The following DLGAP2 variants were observed in gnomAD, a reference collection of about 807,000 sequenced individuals.
DLGAP2 encodes the protein DLG associated protein 2.
DLGAP2 carries 26 observed loss-of-function variants against 100.3 expected under a neutral mutation model. That is an observed-to-expected ratio of 0.26 (90% CI 0.19 to 0.36). The LOEUF is 0.36. DLGAP2 is among the 10% of genes least tolerant of loss of function. The pLI is 1.00. For synonymous variants in DLGAP2, 886 were observed against 630.1 expected (o/e 1.41, Z -6.08); for missense variants, 1,858 against 1,453.2 (o/e 1.28, Z -4.53).
intron 3 of DLGAP2, among the ~76,000 whole-genome samples, chr8:1,334,204 G>T (rs189972625): frequency 5.3e-5 from 8 of 152,360 alleles, no homozygotes; most frequent in Admixed American, 5.2e-4. Context: ...AATGTTTCCT[G>T]TGATGAAAAT....
intron 3 of DLGAP2, among the ~76,000 whole-genome samples, chr8:1,392,335 G>GT (rs890586013): frequency 6.6e-6 from 1 of 152,102 alleles, no homozygotes; most frequent in African/African-American, 2.4e-5. Context: ...GAGGTGCAGG[G>GT]TTACCCGTTA....
At chr8:1,207,566 C>T (rs1380616882) in intron 2 of DLGAP2, among the ~76,000 whole-genome samples, 2 of 152,160 alleles carry the variant, frequency 1.3e-5, no homozygotes, top group African/African-American at 2.4e-5. Flanking sequence ...TGAGCCTTTT[C>T]TTCTGGGCAG....
At chr8:1,539,546 C>G (rs139949977) in intron 4 of DLGAP2, among the ~76,000 whole-genome samples, 23 of 152,186 alleles carry the variant, frequency 1.5e-4, no homozygotes, top group African/African-American at 5.5e-4. Flanking sequence ...GTGCACTGAG[C>G]CTTGCCAGGG....
rs73670650 is a variant in DLGAP2, at chr8:1,130,069, C to T, written c.74-128782C>T. On this transcript the variant is annotated intron_variant, in intron 2 of 14. Coordinates refer to ENST00000637795, the MANE Select transcript of DLGAP2 (RefSeq NM_001346810.2). Reference sequence around the variant, plus strand: ...TTAAGGGATCATGTCGGGCACTTCACGTGGGTTAAGGGATCGTGTCAGACA... The same window carrying T: ...TTAAGGGATCATGTCGGGCACTTCATGTGGGTTAAGGGATCGTGTCAGACA... 3.2e-3 allele frequency among the ~76,000 whole-genome samples: 482 copies of T among 151,450 alleles called. 1 individual carries two copies. The highest frequency in any genetic ancestry group is 0.011 in the African/African-American group (446 of 41,148).
At chr8:1,324,253 G>A (rs1800971277) in intron 3 of DLGAP2, among the ~76,000 whole-genome samples, 1 of 152,320 alleles carries the variant, frequency 6.6e-6, no homozygotes, top group East Asian at 1.9e-4. Context: ...ACAGAATGGT[G>A]TTTGTAATTC....
chr8:1,241,150 T>C (rs1330423227), intron 2 of DLGAP2, among the ~76,000 whole-genome samples: 450 of 39,416 alleles, frequency 0.011, 18 homozygotes, highest in Middle Eastern at 0.031. Flanking sequence ...TCTCACGTGG[T>C]GCCATGTCTA....
At chr8:1,596,100 C>G (rs999855270) in intron 6 of DLGAP2, among the ~76,000 whole-genome samples, 1 of 151,034 alleles carries the variant, frequency 6.6e-6, no homozygotes, top group Non-Finnish European at 1.5e-5. Context: ...TCATCTCCCA[C>G]TTATGAGTGG....
intron 2 of DLGAP2, among the ~76,000 whole-genome samples, chr8:1,202,733 T>C (rs2116763210): frequency 6.6e-6 from 1 of 152,294 alleles, no homozygotes; most frequent in Admixed American, 6.5e-5. Flanking sequence ...CTCAGTCTCC[T>C]GTGCACCTGT....
chr8:1,165,053 G>C (rs1045911011), intron 2 of DLGAP2, among the ~76,000 whole-genome samples: 1 of 151,978 alleles, frequency 6.6e-6, no homozygotes, highest in African/African-American at 2.4e-5. Flanking sequence ...CCTGGCTAAA[G>C]ATTCTCCTCC....
chr8:1,261,021 G>C (rs28391410), intron 3 of DLGAP2, among the ~76,000 whole-genome samples: 4,775 of 152,328 alleles, frequency 0.031, 125 homozygotes, highest in South Asian at 0.093. Flanking sequence ...AGTGGCGTGA[G>C]GAGGGGAGGA....
chr8:750,054 C>T (rs1034459903), intron 1 of DLGAP2, among the ~76,000 whole-genome samples: 3 of 152,280 alleles, frequency 2.0e-5, no homozygotes, highest in African/African-American at 4.8e-5. Flanking sequence ...GTTATCCCCT[C>T]ATCAAAGAGC....
chr8:1,388,235 G>C (rs1796266043), intron 3 of DLGAP2, among the ~76,000 whole-genome samples: 1 of 127,232 alleles, frequency 7.9e-6, no homozygotes, highest in African/African-American at 3.0e-5. Context: ...TCAGGTGTCA[G>C]GGCTGTAAGA....
chr8:1,425,724 T>C (rs893534084), intron 3 of DLGAP2, among the ~76,000 whole-genome samples: 1 of 151,998 alleles, frequency 6.6e-6, no homozygotes, highest in Non-Finnish European at 1.5e-5. Flanking sequence ...TGTGGGCTCA[T>C]GAACCAAGAT....
In DLGAP2 at chr8:1,653,464, G is replaced by A. The variant is rs974617904; in HGVS notation, c.1811-14865G>A. On this transcript the variant is annotated intron_variant, in intron 8 of 14. Coordinates refer to ENST00000637795, the MANE Select transcript of DLGAP2 (RefSeq NM_001346810.2). Reference sequence around the variant, plus strand: ...CTGCCGGCTTCCTGGCCCCACAGGTGTCGTTCATGCTCAGCTAGCTCAAAC... The same window carrying A: ...CTGCCGGCTTCCTGGCCCCACAGGTATCGTTCATGCTCAGCTAGCTCAAAC... Among the ~76,000 whole-genome samples the A allele has an allele frequency of 2.0e-5, 3 of 152,200 alleles. No individual in the cohort carries two copies. The East Asian group carries it at 5.8e-4, about 29-fold the overall frequency.
rs142474135 is a variant in DLGAP2, at chr8:1,428,553, G to C, written c.107-72813G>C. 4.5e-3 allele frequency among the ~76,000 whole-genome samples: 679 copies of C among 151,838 alleles called. 1 individual carries two copies. Among genetic ancestry groups the C allele is most frequent in the Middle Eastern group, 6.8e-3 (2 of 294 alleles). On this transcript the variant is annotated intron_variant, in intron 3 of 14. Transcript: ENST00000637795. ...ACAGAATAAGAAAAGAAAATTATAG[G>C]TCAGATTGACTGCTGGGAACAGATG...
At chr8:1,329,697 G>A (rs138210845) in intron 3 of DLGAP2, among the ~76,000 whole-genome samples, 1 of 152,274 alleles carries the variant, frequency 6.6e-6, no homozygotes, top group African/African-American at 2.4e-5. Context: ...ATGAAGATGA[G>A]CCGTGCGTGA....
intron 2 of DLGAP2, among the ~76,000 whole-genome samples, chr8:1,068,744 C>CGCATGTGGGACAGAGGGAGGGAA (rs1803334961): frequency 1.3e-5 from 2 of 148,904 alleles, no homozygotes; most frequent in Admixed American, 6.6e-5. Flanking sequence ...CATGTGGGTC[C>CGCATGTGGGACAGAGGGAGGGAA]GGGATATGCC....
chr8:774,983 A>G (rs1174608413), intron 1 of DLGAP2, among the ~76,000 whole-genome samples: 2 of 151,840 alleles, frequency 1.3e-5, no homozygotes, highest in South Asian at 2.1e-4. Flanking sequence ...ACCCATGAGC[A>G]TGGAATGTTC....
intron 2 of DLGAP2, among the ~76,000 whole-genome samples, chr8:1,001,316 G>C (rs747755460): frequency 3.3e-5 from 5 of 152,176 alleles, no homozygotes; most frequent in African/African-American, 7.2e-5. Flanking sequence ...CGAGAAGTCT[G>C]CCGAGCAGTT....
Sources: allele counts gnomAD v4.1 joint callset (sites outside exome capture counted in the v4.1 genomes callset), GRCh38; gene constraint gnomAD v4.1.1; transcripts MANE v1.5; gene names NCBI Gene and HGNC (gene_info 2026-07-23, HGNC 2026-07-21).